The following ANK1 variants were observed in gnomAD, a reference collection of about 807,000 sequenced individuals.
ANK1 encodes the protein ankyrin-1.
Under a neutral mutation model 210.4 loss-of-function variants are expected in ANK1, and 51 were observed. The ratio of observed to expected loss-of-function variants is 0.24; its 90% CI spans 0.19 to 0.31. The LOEUF (loss-of-function observed/expected upper bound fraction) is 0.31, where lower values mean the gene tolerates loss of function less well. Ranked by LOEUF, ANK1 falls within the 10% of genes least tolerant of loss-of-function variation. The pLI, the probability that ANK1 is intolerant of heterozygous loss-of-function variation, is 1.00. For synonymous variants in ANK1, 967 were observed against 1,025.9 expected (o/e 0.94, Z 1.10); for missense variants, 2,051 against 2,504.4 (o/e 0.82, Z 3.86).
At chr8:41,680,806 C>T (rs991787008) in intron 37 of ANK1, among the ~76,000 whole-genome samples, 1 of 152,164 alleles carries the variant, frequency 6.6e-6, no homozygotes, top group East Asian at 1.9e-4. Flanking sequence ...ACAAGTGCAT[C>T]CTCATGAGGA....
chr8:41,689,976 T>C (rs890661931), intron 33 of ANK1, among the ~76,000 whole-genome samples: 1 of 152,170 alleles, frequency 6.6e-6, no homozygotes, highest in Non-Finnish European at 1.5e-5. Context: ...CACCATCTGA[T>C]ACCAACATTT....
intron 2 of ANK1, among the ~76,000 whole-genome samples, chr8:41,743,009 A>G (rs1215930059): frequency 6.6e-6 from 1 of 152,220 alleles, no homozygotes; most frequent in Non-Finnish European, 1.5e-5. Context: ...AGCAAGTGCT[A>G]TACTCGATGT....
chr8:41,656,271 A>G (rs1212723443), intron 42 of ANK1, among the ~76,000 whole-genome samples: 1 of 152,236 alleles, frequency 6.6e-6, no homozygotes, highest in Non-Finnish European at 1.5e-5. Flanking sequence ...CAGCCTTGGG[A>G]ACCCAGGGAT....
intron 3 of ANK1, among the ~76,000 whole-genome samples, chr8:41,733,068 A>C (rs576354235): frequency 2.6e-5 from 4 of 152,362 alleles, no homozygotes; most frequent in Admixed American, 1.3e-4. Flanking sequence ...TGCTGGCTGC[A>C]TCTTGTTTGA....
chr8:41,723,437 ATCCCTAACTAGGTCACCAAGGGC>A, intron 8 of ANK1, 75 bp downstream of exon 8: 1 of 1,409,756 alleles, frequency 7.1e-7, no homozygotes, highest in South Asian at 1.2e-5. Flanking sequence ...CTGGTGGTGC[ATCCCTAACTAGGTCACCAAGGGC>A]CCGCTGCTCT....
chr8:41,877,306 A>C (rs7829563), intron 1 of ANK1, among the ~76,000 whole-genome samples: 15,312 of 152,292 alleles, frequency 0.1, 1,967 homozygotes, highest in African/African-American at 0.3. Context: ...CAGGCTGGGG[A>C]AAGGAGCAGG....
chr8:41,821,178 G>C (rs1804197614), intron 1 of ANK1, among the ~76,000 whole-genome samples: 1 of 152,190 alleles, frequency 6.6e-6, no homozygotes, highest in Admixed American at 6.5e-5. Flanking sequence ...ATTTTAGGGT[G>C]CTATGTCCTG....
chr8:41,667,554 T>C (rs1488017650), intron 39 of ANK1, among the ~76,000 whole-genome samples: 1 of 150,778 alleles, frequency 6.6e-6, no homozygotes, highest in Non-Finnish European at 1.5e-5. Context: ...TGGCCACGAG[T>C]AGATCATCAT....
In ANK1 at chr8:41,822,425, A is replaced by G. The variant is rs1027938828; in HGVS notation, c.127-64288T>C. Among the ~76,000 whole-genome samples the G allele has an allele frequency of 6.6e-5, 10 of 152,148 alleles. 1 individual carries two copies. Among genetic ancestry groups the G allele is most frequent in the African/African-American group, 2.4e-4 (10 of 41,422 alleles). ...AGAGTACAATCTCTAAACTTTTAAA[A>G]CTTCATACTTCTATCAGTAAAAATA... On this transcript the variant is annotated intron_variant, in intron 1 of 42. Coordinates refer to the ANK1 transcript ENST00000265709.
intron 1 of ANK1, among the ~76,000 whole-genome samples, chr8:41,867,348 C>G (rs1372889250): frequency 6.6e-6 from 1 of 152,206 alleles, no homozygotes; most frequent in Non-Finnish European, 1.5e-5. Context: ...AAACAAGACA[C>G]TCATGAGCCA....
At chr8:41,703,454 T>A (rs867478513) in intron 20 of ANK1, among the ~76,000 whole-genome samples, 506 of 44,444 alleles carry the variant, frequency 0.011, 2 homozygotes, top group Middle Eastern at 0.019. Context: ...ATATATATTT[T>A]TTTTTTTTTT....
At chr8:41,780,391 G>A (rs1266222101) in intron 1 of ANK1, among the ~76,000 whole-genome samples, 1 of 152,216 alleles carries the variant, frequency 6.6e-6, no homozygotes, top group Admixed American at 6.5e-5. Flanking sequence ...TTCATGAATA[G>A]CATTAACATT....
chr8:41,724,674 G>T, intron 6 of ANK1, 120 bp from the exon 7 acceptor site: 3 of 895,368 alleles, frequency 3.4e-6, no homozygotes, highest in Non-Finnish European at 5.3e-6. Flanking sequence ...AGGAGATTTT[G>T]ATGGGTGGGA....
At chr8:41,665,054 C>T (rs1809993110) in intron 39 of ANK1, 1 of 1,609,162 alleles carries the variant, frequency 6.2e-7, no homozygotes, top group Non-Finnish European at 8.5e-7. Flanking sequence ...GGTCCTCTGG[C>T]AGCCAGGGCC....
intron 33 of ANK1, among the ~76,000 whole-genome samples, chr8:41,688,893 C>T (rs1343991514): frequency 1.3e-5 from 2 of 152,208 alleles, no homozygotes; most frequent in East Asian, 3.8e-4. Context: ...CTGTATTACT[C>T]CCATTTCATC....
intron 1 of ANK1, among the ~76,000 whole-genome samples, chr8:41,815,463 A>G (rs1803169872): frequency 6.6e-6 from 1 of 152,016 alleles, no homozygotes; most frequent in Admixed American, 6.6e-5. Flanking sequence ...AGTCAGTTTG[A>G]CCCTATAGGA....
At position 41,887,748 on chromosome 8, in the gene ANK1, T is replaced by C. The variant is rs909552109; in HGVS notation, c.126+8607A>G. ...ATTATATATACAAGTGTATATTGTG[T>C]CAATTTAAAGTGAACATAACACAAC... On this transcript the variant is annotated intron_variant, in intron 1 of 42. Transcript: ENST00000265709. Among the ~76,000 whole-genome samples the C allele has an allele frequency of 5.9e-5, 9 of 152,364 alleles. No individual in the cohort carries two copies. The South Asian group carries it at 1.7e-3, about 28-fold the overall frequency.
intron 1 of ANK1, among the ~76,000 whole-genome samples, chr8:41,762,957 TG>T (rs1840801347): frequency 6.6e-6 from 1 of 152,208 alleles, no homozygotes; most frequent in Non-Finnish European, 1.5e-5. Context: ...TGGTGGTTCC[TG>T]TAATCTCAGC....
chr8:41,814,735 T>TA (rs397827230), intron 1 of ANK1, among the ~76,000 whole-genome samples: 1 of 151,572 alleles, frequency 6.6e-6, no homozygotes, highest in Non-Finnish European at 1.5e-5. Flanking sequence ...TATTTTTTTT[T>TA]ATTATTCATT....
Sources: allele counts gnomAD v4.1 joint callset (sites outside exome capture counted in the v4.1 genomes callset), GRCh38; gene constraint gnomAD v4.1.1; transcripts MANE v1.5; gene names NCBI Gene and HGNC (gene_info 2026-07-23, HGNC 2026-07-21).